MRTFB: variants seen among roughly 807,000 people sequenced by gnomAD.
The protein encoded by MRTFB is myocardin related transcription factor B, also known as myocardin-related transcription factor B.
MRTFB carries 29 observed loss-of-function variants against 104.2 expected under a neutral mutation model. The observed-to-expected ratio is 0.28, with a 90% CI of 0.21 to 0.38. MRTFB has a LOEUF of 0.38. Ranked by LOEUF, MRTFB falls within the 10% of genes least tolerant of loss-of-function variation. The pLI is 1.00. For missense variants in MRTFB, 1,270 were observed against 1,341.6 expected (o/e 0.95, Z 0.83); for synonymous variants, 535 against 519.5 (o/e 1.03, Z -0.41).
chr16:14,020,111 G>A, the MRTFB span, among the ~76,000 whole-genome samples: 27 of 152,080 alleles, frequency 1.8e-4, 1 homozygote, highest in African/African-American at 5.8e-4. Context: ...GGCCAAACTG[G>A]ATTGACACCC....
the MRTFB span, among the ~76,000 whole-genome samples, chr16:14,057,299 C>T: frequency 3.3e-5 from 5 of 152,140 alleles, no homozygotes; most frequent in African/African-American, 9.7e-5. Flanking sequence ...CTGTTTTCTG[C>T]TCCAGCCTTC....
chr16:14,154,291 C>T (rs1180626324), intron 3 of MRTFB, among the ~76,000 whole-genome samples: 1 of 152,158 alleles, frequency 6.6e-6, no homozygotes. Context: ...GCTAGGATCA[C>T]ACTACTGCAC....
chr16:14,245,577 G>A lies in MRTFB; in HGVS notation c.1129G>A (p.Ala377Thr). 1 of 1,614,012 alleles carries A rather than the reference G, an allele frequency of 6.2e-7. No individual in the cohort carries two copies. Among genetic ancestry groups the A allele is most frequent in the South Asian group, 1.1e-5 (1 of 91,044 alleles). ...SNSGNSALNN[A>T]TPNTPRQNTS... is the part of the protein sequence containing the mutation. ...CAGTGGGAATTCAGCTTTGAACAATGCCACACCTAACACACCAAGACAGAA... is the reference window on the plus strand; with the variant it reads ...CAGTGGGAATTCAGCTTTGAACAATACCACACCTAACACACCAAGACAGAA... Residue 377 changes from alanine (A) to threonine (T), a missense_variant, in exon 11 of 17, where the codon GCC (alanine) becomes ACC (threonine). Ala to Thr is a moderately conservative substitution (Grantham distance 58, BLOSUM62 0). Coordinates refer to ENST00000571589, the MANE Select transcript of MRTFB (RefSeq NM_001308142.2).
At chr16:14,077,791 T>C (rs756651422) in intron 1 of MRTFB, among the ~76,000 whole-genome samples, 26 of 152,094 alleles carry the variant, frequency 1.7e-4, no homozygotes, top group Non-Finnish European at 3.2e-4. Flanking sequence ...TGGGCTGAGG[T>C]TGCCATTCCC....
intron 16 of MRTFB, 70 bp from the exon 17 acceptor site, chr16:14,260,839 T>C (rs1165392697): frequency 2.3e-6 from 3 of 1,292,518 alleles, no homozygotes; most frequent in African/African-American, 1.5e-5. Flanking sequence ...GTAACTGTCC[T>C]AGTAATTAAT....
chr16:14,253,771 C>T (rs1455893534), intron 15 of MRTFB, among the ~76,000 whole-genome samples: 5 of 152,130 alleles, frequency 3.3e-5, no homozygotes, highest in Non-Finnish European at 7.4e-5. Context: ...ACCGAGGGAA[C>T]GTAACTTTGA....
chr16:14,181,693 AG>A (rs1474633051), intron 3 of MRTFB, among the ~76,000 whole-genome samples: 1 of 152,192 alleles, frequency 6.6e-6, no homozygotes, highest in Non-Finnish European at 1.5e-5. Flanking sequence ...AAATATTACG[AG>A]GTTTTTTTCA....
intron 2 of MRTFB, among the ~76,000 whole-genome samples, chr16:14,114,039 T>C (rs1230247029): frequency 6.6e-6 from 1 of 152,218 alleles, no homozygotes; most frequent in Non-Finnish European, 1.5e-5. Context: ...GATTGCCAGT[T>C]CCTTTGGATC....
intron 2 of MRTFB, among the ~76,000 whole-genome samples, chr16:14,122,965 T>G (rs1183363793): frequency 6.6e-6 from 1 of 152,250 alleles, no homozygotes; most frequent in African/African-American, 2.4e-5. Context: ...GTTTCCTGAC[T>G]TTTTAATGAT....
At chr16:14,106,451 A>T (rs2035981562) in intron 2 of MRTFB, among the ~76,000 whole-genome samples, 1 of 152,006 alleles carries the variant, frequency 6.6e-6, no homozygotes, top group African/African-American at 2.4e-5. Flanking sequence ...TATTTGGGGG[A>T]TCTTAAATTT....
intron 2 of MRTFB, among the ~76,000 whole-genome samples, chr16:14,090,269 C>T (rs72783450): frequency 1.6e-4 from 24 of 152,304 alleles, no homozygotes; most frequent in Non-Finnish European, 1.2e-4. Flanking sequence ...ATTAACTATA[C>T]AATGAGTAAG....
At chr16:14,201,730 G>T (rs1465000990) in intron 3 of MRTFB, among the ~76,000 whole-genome samples, 1 of 152,116 alleles carries the variant, frequency 6.6e-6, no homozygotes, top group Non-Finnish European at 1.5e-5. Context: ...ACCACTAAAA[G>T]AGCATTATTC....
chr16:14,141,734 C>T (rs1245620428), intron 3 of MRTFB: 1 of 151,868 alleles, frequency 6.6e-6, no homozygotes, highest in Non-Finnish European at 1.5e-5. Flanking sequence ...CTTCTTAGGC[C>T]TTTAGTACAT....
intron 3 of MRTFB, among the ~76,000 whole-genome samples, chr16:14,172,951 A>G (rs1461345638): frequency 9.2e-5 from 14 of 152,102 alleles, no homozygotes. Flanking sequence ...GCCAAAATTT[A>G]TCAGTCCTGT....
intron 2 of MRTFB, among the ~76,000 whole-genome samples, chr16:14,127,781 A>G (rs1364012391): frequency 1.3e-5 from 2 of 150,532 alleles, no homozygotes; most frequent in Non-Finnish European, 3.0e-5. Flanking sequence ...TGTCATTTTT[A>G]GCAAAAGTGA....
At chr16:14,068,044 C>T (rs1344562924), upstream of MRTFB, among the ~76,000 whole-genome samples, 1 of 152,070 alleles carries the variant, frequency 6.6e-6, no homozygotes, top group South Asian at 2.1e-4. Context: ...GTTGGCCAGG[C>T]TGGTGTCGAA....
intron 3 of MRTFB, among the ~76,000 whole-genome samples, chr16:14,192,342 C>A (rs1362398216): frequency 6.6e-6 from 1 of 152,062 alleles, no homozygotes; most frequent in Non-Finnish European, 1.5e-5. Context: ...CCACTGCACT[C>A]CAGCCTGGGC....
chr16:14,210,415 C>CTGA (rs758596619), intron 4 of MRTFB, 107 bp downstream of exon 4: 33 of 771,310 alleles, frequency 4.3e-5, no homozygotes, highest in Non-Finnish European at 3.1e-5. Flanking sequence ...ATTTAATCAA[C>CTGA]AAACAATTAC....
At chr16:14,244,185 C>T (rs902867310) in intron 10 of MRTFB, among the ~76,000 whole-genome samples, 1 of 152,200 alleles carries the variant, frequency 6.6e-6, no homozygotes, top group East Asian at 1.9e-4. Flanking sequence ...CGCAATCTTA[C>T]AGTACACCTA....
Sources: allele counts gnomAD v4.1 joint callset (sites outside exome capture counted in the v4.1 genomes callset), GRCh38; gene constraint gnomAD v4.1.1; transcripts MANE v1.5; gene names NCBI Gene and HGNC (gene_info 2026-07-23, HGNC 2026-07-21).